The following ZNF384 variants were observed in gnomAD, a reference collection of about 807,000 sequenced individuals.
The protein encoded by ZNF384 is CAG repeat protein 1.
ZNF384 carries 20 observed loss-of-function variants against 65.0 expected under a neutral mutation model. That is an observed-to-expected ratio of 0.31 (90% CI 0.22 to 0.45). The LOEUF is 0.45. ZNF384 is among the 20% of genes least tolerant of loss of function. ZNF384 has a pLI of 1.00. For synonymous variants in ZNF384, 310 were observed against 303.9 expected (o/e 1.02, Z -0.21); for missense variants, 549 against 769.4 (o/e 0.71, Z 3.39).
In ZNF384 at chr12:6,666,651, G is replaced by C. The variant is rs947421306; in HGVS notation, c.*1063C>G. On this transcript the variant is annotated 3_prime_UTR_variant, in exon 12 of 12. Coordinates refer to ENST00000683879, the MANE Select transcript of ZNF384 (RefSeq NM_001385745.1). ...CCATGATTTAAAAAAAAAAAAAAAA[G>C]ACAAAAAGAAAAATGCTGTGGCTAG... is the stretch of plus-strand genomic sequence containing the variant. The C allele has an allele frequency of 8.2e-6, 1 of 121,828 alleles. No individual in the cohort carries two copies. The highest frequency in any genetic ancestry group is 3.6e-3 in the Middle Eastern group (1 of 276). 7.5% of individuals were successfully genotyped at this position (121,828 alleles called of 1,614,324 possible).
chr12:6,678,094 T>G lies in ZNF384; in HGVS notation c.686+33A>C, dbSNP rs1445999944. On this transcript the variant is annotated intron_variant, in intron 6 of 11. Coordinates refer to ENST00000683879, the MANE Select transcript of ZNF384 (RefSeq NM_001385745.1). The surrounding 1 kb of genome is among the most constrained non-coding windows in gnomAD (Gnocchi z 4.9). ...GGGAGAATCACCAAGCCAGGGATCC[T>G]CGCCCCATCCTGCCCCTGGCTCTGA... The G allele has an allele frequency of 6.3e-7, 1 of 1,577,372 alleles. No homozygotes were observed. The highest frequency in any genetic ancestry group is 1.7e-5 in the Admixed American group (1 of 58,732).
Position 6,678,664 on chromosome 12 carries a change from C to A in ZNF384, c.351G>T (p.Arg117Ser). 5 of 1,613,760 alleles carry A rather than the reference C, an allele frequency of 3.1e-6. No individual in the cohort carries two copies. Among genetic ancestry groups the A allele is most frequent in the Non-Finnish European group, 2.5e-6 (3 of 1,179,896 alleles). ...QRWRREGSQS[R>S]GPGLVITSPS... The stretch of plus-strand genomic sequence containing the variant: ...CCCCCTGGTAACAGTGAGATTTACC[C>A]CTTGATTGACTCCCTTCTCTTCTCC... The change falls in exon 5 of 12, where the codon AGG (arginine) becomes AGT (serine). Residue 117 changes from arginine (R) to serine (S), a missense_variant and splice_region_variant. By Grantham distance (110) the Arg-to-Ser change is moderately radical (BLOSUM62 -1). This residue lies in a region of ZNF384 where 277 missense variants were observed against 337.2 expected (regional missense o/e 0.82). Coordinates refer to ENST00000683879, the MANE Select transcript of ZNF384 (RefSeq NM_001385745.1). This position sits in a 1 kb window ranked among gnomAD's most constrained non-coding sequence, Gnocchi z 4.9.
intron 9 of ZNF384, among the ~76,000 whole-genome samples, chr12:6,671,102 C>T (rs1170963532): frequency 6.6e-6 from 1 of 152,186 alleles, no homozygotes; most frequent in African/African-American, 2.4e-5. Context: ...ACAGGCAGCC[C>T]ACAATTTGGC....
Position 6,672,524 on chromosome 12 carries a change from G to C in ZNF384, c.1013C>G (p.Ser338Cys). The part of the protein sequence containing the change: ...SHLQQHTRIH[S>C]KMHTETIKPH... ...CTTGATGGTCTCCGTGTGCATCTTG[G>C]AGTGGATCCTGCCGGAGAGGAGAGG... is the stretch of plus-strand genomic sequence containing the variant. Residue 338 changes from serine (S) to cysteine (C), a missense_variant, in exon 9 of 12, where the codon TCC (serine) becomes TGC (cysteine). This residue lies in a region of ZNF384 where 59 missense variants were observed against 63.6 expected (regional missense o/e 0.93). Transcript: ENST00000683879. This position sits in a 1 kb window ranked among gnomAD's most constrained non-coding sequence, Gnocchi z 4.4. 6.2e-7 allele frequency: 1 copy of C among 1,614,036 alleles called. No homozygotes were observed. Among genetic ancestry groups the C allele is most frequent in the Non-Finnish European group, 8.5e-7 (1 of 1,179,948 alleles).
intron 2 of ZNF384, among the ~76,000 whole-genome samples, chr12:6,681,598 T>C (rs946306989): frequency 1.3e-5 from 2 of 152,116 alleles, no homozygotes; most frequent in African/African-American, 4.8e-5. Context: ...AACACTAAGA[T>C]ACTGAGAGCT....
chr12:6,672,522 T>C lies in ZNF384; in HGVS notation c.1015A>G (p.Lys339Glu), dbSNP rs768385497. 6.2e-7 allele frequency: 1 copy of C among 1,613,918 alleles called. No homozygotes were observed. Among genetic ancestry groups the C allele is most frequent in the African/African-American group, 1.3e-5 (1 of 74,994 alleles). The change falls in exon 9 of 12, where the codon AAG becomes GAG. Residue 339 changes from lysine (K) to glutamate (E), a missense_variant. Lys to Glu is a moderately conservative substitution (Grantham distance 56, BLOSUM62 1). This residue lies in a region of ZNF384 where 59 missense variants were observed against 63.6 expected (regional missense o/e 0.93). Coordinates refer to ENST00000683879, the MANE Select transcript of ZNF384 (RefSeq NM_001385745.1). The surrounding 1 kb of genome is among the most constrained non-coding windows in gnomAD (Gnocchi z 4.4). ...GGCTTGATGGTCTCCGTGTGCATCT[T>C]GGAGTGGATCCTGCCGGAGAGGAGA... ...HLQQHTRIHS[K>E]MHTETIKPHK...
Position 6,673,045 on chromosome 12 carries a change from C to T in ZNF384, c.1004+171G>A. On this transcript the variant is annotated intron_variant, in intron 8 of 11. Coordinates refer to ENST00000683879, the MANE Select transcript of ZNF384 (RefSeq NM_001385745.1). This position sits in a 1 kb window ranked among gnomAD's most constrained non-coding sequence, Gnocchi z 4.7. ...AATTGGAGACCACAATTTTCAAGGC[C>T]CCCCAAATAGCTAGGATATATAATT... 1.5e-6 allele frequency: 1 copy of T among 657,762 alleles called. No individual in the cohort carries two copies. Among genetic ancestry groups the T allele is most frequent in the Non-Finnish European group, 2.6e-6 (1 of 387,724 alleles). The allele number at this position is 657,762 out of a possible 1,614,324, so 40.7% of individuals were successfully genotyped here. A position where few individuals can be genotyped will look rare whatever the true frequency, so the allele number is the denominator to read the frequency against.
At chr12:6,682,918 C>T (rs1288850674) in intron 2 of ZNF384, among the ~76,000 whole-genome samples, 6 of 152,134 alleles carry the variant, frequency 3.9e-5, no homozygotes, top group Non-Finnish European at 7.3e-5. Flanking sequence ...AATGCATAAT[C>T]CCTGTCTAAC....
At chr12:6,669,228 C>A in intron 10 of ZNF384, 39 bp from the exon 11 acceptor site, 1 of 1,559,168 alleles carries the variant, frequency 6.4e-7, no homozygotes. Flanking sequence ...ATACATTGTA[C>A]TCTTTCCTCC....
chr12:6,674,782 A>G (rs748214236), intron 7 of ZNF384, among the ~76,000 whole-genome samples: 7 of 152,238 alleles, frequency 4.6e-5, no homozygotes, highest in Non-Finnish European at 1.0e-4. Flanking sequence ...TTTTGCCCCC[A>G]GAAGGGCGAG....
intron 2 of ZNF384, among the ~76,000 whole-genome samples, chr12:6,683,387 A>C (rs1174310102): frequency 6.6e-6 from 1 of 151,924 alleles, no homozygotes; most frequent in Non-Finnish European, 1.5e-5. Flanking sequence ...CAAAAGAATC[A>C]AGGAAGTTGG....
At position 6,678,834 on chromosome 12, in the gene ZNF384, G is replaced by T; in HGVS notation, c.304+112C>A. ...CACAGTAGGCACTTAATAAAAATTT[G>T]ATTGAATAATCAAACACATATCCCA... On this transcript the variant is annotated intron_variant, in intron 4 of 11. Transcript: ENST00000683879. This position sits in a 1 kb window ranked among gnomAD's most constrained non-coding sequence, Gnocchi z 4.9. The T allele has an allele frequency of 6.8e-7, 1 of 1,473,626 alleles. No homozygotes were observed. Among genetic ancestry groups the T allele is most frequent in the Non-Finnish European group, 9.4e-7 (1 of 1,061,754 alleles). The allele number at this position is 1,473,626 out of a possible 1,614,324, so 91.3% of individuals were successfully genotyped here.
intron 9 of ZNF384, 86 bp from the exon 10 acceptor site, chr12:6,670,924 G>T: frequency 8.1e-7 from 1 of 1,239,388 alleles, no homozygotes; most frequent in Non-Finnish European, 1.2e-6. Flanking sequence ...GGCCCATCCT[G>T]CTCTCCTAAG....
intron 2 of ZNF384, among the ~76,000 whole-genome samples, chr12:6,682,061 G>A (rs957486090): frequency 6.7e-6 from 1 of 149,822 alleles, no homozygotes; most frequent in South Asian, 2.1e-4. Context: ...GCAGGCCTAC[G>A]CAGGAGGATC....
Position 6,678,804 on chromosome 12 carries a change from A to G in ZNF384, c.305-94T>C. Reference sequence around the variant, plus strand: ...CCCCCACAATGCCTAGCACATTGCTAGGCACACAGTAGGCACTTAATAAAA... The same window carrying G: ...CCCCCACAATGCCTAGCACATTGCTGGGCACACAGTAGGCACTTAATAAAA... On this transcript the variant is annotated intron_variant, in intron 4 of 11. Transcript: ENST00000683879. The surrounding 1 kb of genome is among the most constrained non-coding windows in gnomAD (Gnocchi z 4.9). The G allele has an allele frequency of 6.6e-7, 1 of 1,505,354 alleles. No individual in the cohort carries two copies. Among genetic ancestry groups the G allele is most frequent in the Non-Finnish European group, 9.2e-7 (1 of 1,085,018 alleles). 93.2% of individuals were successfully genotyped at this position (1,505,354 alleles called of 1,614,324 possible).
rs1470897192 is a variant in ZNF384 at position 6,679,643 on chromosome 12, G to C, written c.-5-118C>G. The C allele has an allele frequency of 6.8e-6, 5 of 738,336 alleles. No individual in the cohort carries two copies. The African/African-American group carries it at 8.8e-5, about 13-fold the overall frequency. 45.7% of individuals were successfully genotyped at this position (738,336 alleles called of 1,614,324 possible). On this transcript the variant is annotated intron_variant, in intron 2 of 11. Coordinates refer to ENST00000683879, the MANE Select transcript of ZNF384 (RefSeq NM_001385745.1). ...TCTGGCACCTGATCACATGGCTGGG[G>C]ACTGGCAGTCAAGACTTAGTGTCTA...
Position 6,678,560 on chromosome 12 carries a change from C to G in ZNF384, c.353-100G>C. ...TCATTGTCTAATTAACCCCTCACCCCCCCGCCGACCCAACCCAGAGTACAC... is the reference window on the plus strand; with the variant it reads ...TCATTGTCTAATTAACCCCTCACCCGCCCGCCGACCCAACCCAGAGTACAC... On this transcript the variant is annotated intron_variant, in intron 5 of 11. Transcript: ENST00000683879. This position sits in a 1 kb window ranked among gnomAD's most constrained non-coding sequence, Gnocchi z 4.9. The G allele has an allele frequency of 6.5e-7, 1 of 1,534,774 alleles. No homozygotes were observed. Among genetic ancestry groups the G allele is most frequent in the Non-Finnish European group, 8.9e-7 (1 of 1,118,238 alleles).
intron 2 of ZNF384, among the ~76,000 whole-genome samples, chr12:6,681,480 T>C (rs1269635410): frequency 2.0e-5 from 3 of 152,030 alleles, no homozygotes; most frequent in African/African-American, 7.2e-5. Flanking sequence ...AAAAAGTACA[T>C]AAATACACAG....
chr12:6,669,513 T>C lies in ZNF384; in HGVS notation c.1267-324A>G, dbSNP rs566196015. On this transcript the variant is annotated intron_variant, in intron 10 of 11. Transcript: ENST00000683879. ...GGTCAAAACTCTTTTTTTTTTTTTT[T>C]CCCAGATGAAGTCTCTCACTCTGTC... 5.0e-3 allele frequency among the ~76,000 whole-genome samples: 763 copies of C among 151,542 alleles called. 4 individuals are homozygous for C. Among genetic ancestry groups the C allele is most frequent in the African/African-American group, 9.2e-3 (378 of 41,210 alleles).
Sources: allele counts gnomAD v4.1 joint callset (sites outside exome capture counted in the v4.1 genomes callset), GRCh38; gene constraint gnomAD v4.1.1; regional missense constraint gnomAD v4.1.1; non-coding constraint Gnocchi (gnomAD v3.1); transcripts MANE v1.5; gene names NCBI Gene and HGNC (gene_info 2026-07-23, HGNC 2026-07-21).